ST8SIA6: variants seen among roughly 807,000 people sequenced by gnomAD.
The protein encoded by ST8SIA6 is alpha-2,8-sialyltransferase 8F.
In ST8SIA6, 39 loss-of-function variants were observed where a neutral mutation model predicts 33.6. The ratio of observed to expected loss-of-function variants is 1.16; its 90% CI spans 0.90 to 1.52. ST8SIA6 has a LOEUF of 1.52. Among genes scored for constraint, ST8SIA6 ranks in the 40% most tolerant of loss-of-function variants. ST8SIA6 has a pLI of 0.00. For missense variants in ST8SIA6, 441 were observed against 443.8 expected (o/e 0.99, Z 0.06); for synonymous variants, 172 against 167.2 (o/e 1.03, Z -0.22).
At chr10:17,402,762 C>T (rs540538933) in intron 2 of ST8SIA6, among the ~76,000 whole-genome samples, 11 of 150,730 alleles carry the variant, frequency 7.3e-5, no homozygotes, top group East Asian at 2.0e-4. Flanking sequence ...CATCACACAC[C>T]GGGGCTTGTT....
intron 4 of ST8SIA6, among the ~76,000 whole-genome samples, chr10:17,333,477 C>T (rs920218731): frequency 6.6e-6 from 1 of 151,334 alleles, no homozygotes; most frequent in African/African-American, 2.4e-5. Context: ...CATCATCCTG[C>T]CTGACTTCAC....
chr10:17,327,950 C>A (rs891154199), intron 5 of ST8SIA6, among the ~76,000 whole-genome samples: 1 of 151,992 alleles, frequency 6.6e-6, no homozygotes, highest in Non-Finnish European at 1.5e-5. Flanking sequence ...TAAAATAAAT[C>A]ATTATGTGAA....
At chr10:17,428,232 A>G (rs1326721055) in intron 2 of ST8SIA6, among the ~76,000 whole-genome samples, 1 of 152,194 alleles carries the variant, frequency 6.6e-6, no homozygotes, top group Non-Finnish European at 1.5e-5. Flanking sequence ...CCAAGCACCC[A>G]GCTGGGTGTG....
chr10:17,343,943 T>A (rs1346506650), intron 4 of ST8SIA6, among the ~76,000 whole-genome samples: 3 of 152,212 alleles, frequency 2.0e-5, no homozygotes, highest in Non-Finnish European at 4.4e-5. Context: ...TATTATTTAA[T>A]CCTTATAAAA....
chr10:17,444,302 G>A (rs1390593307), intron 2 of ST8SIA6, among the ~76,000 whole-genome samples: 3 of 152,134 alleles, frequency 2.0e-5, no homozygotes, highest in African/African-American at 4.8e-5. Context: ...GTGTGTAAAC[G>A]GTATTGTCTG....
At chr10:17,374,752 A>AAATATATATAT (rs1849849506) in intron 3 of ST8SIA6, among the ~76,000 whole-genome samples, 1 of 123,310 alleles carries the variant, frequency 8.1e-6, no homozygotes, top group Non-Finnish European at 1.7e-5. Context: ...ATAAATAATA[A>AAATATATATAT]ATATATATAT....
At chr10:17,358,485 AAAGAC>A (rs1206479393) in intron 4 of ST8SIA6, among the ~76,000 whole-genome samples, 1 of 152,206 alleles carries the variant, frequency 6.6e-6, no homozygotes, top group Non-Finnish European at 1.5e-5. Flanking sequence ...GAGTAAAGAT[AAAGAC>A]ATGTCTCTGG....
At chr10:17,390,460 G>T in intron 3 of ST8SIA6, 71 bp downstream of exon 3, 2 of 1,289,972 alleles carry the variant, frequency 1.6e-6, no homozygotes, top group South Asian at 1.3e-5. Context: ...TGACTTCAGA[G>T]ACACTGTCAG....
At chr10:17,346,654 TGA>T (rs1018424433) in intron 4 of ST8SIA6, among the ~76,000 whole-genome samples, 23 of 152,118 alleles carry the variant, frequency 1.5e-4, no homozygotes, top group Non-Finnish European at 3.1e-4. Context: ...CCCACGGAAC[TGA>T]GAGAGAATAT....
rs921582978 is a variant in ST8SIA6 at position 17,390,565 on chromosome 10, A to G, written c.256T>C (p.Tyr86His). 7 of 1,614,076 alleles carry G rather than the reference A, an allele frequency of 4.3e-6. No homozygotes were observed. The highest frequency in any genetic ancestry group is 5.9e-6 in the Non-Finnish European group (7 of 1,179,948). Residue 86 changes from tyrosine to histidine, a missense_variant, in exon 3 of 8, where the codon TAT becomes CAT. By Grantham distance (83) the Tyr-to-His change is moderately conservative (BLOSUM62 2). Transcript: ENST00000377602. The stretch of plus-strand genomic sequence containing the variant: ...TTGTTAGAGAAAGACTCAATGCCAT[A>G]TTGCAGATTTTTGCATTTCTCCGTC... ...QLTEKCKNLQ[Y>H]GIESFSNKTK...
intron 2 of ST8SIA6, among the ~76,000 whole-genome samples, chr10:17,423,544 A>G (rs1269942544): frequency 6.6e-6 from 1 of 152,132 alleles, no homozygotes; most frequent in Non-Finnish European, 1.5e-5. Flanking sequence ...CTTCTCACAC[A>G]CTAGCAGTTC....
At chr10:17,368,558 AG>A (rs1849635639) in intron 3 of ST8SIA6, among the ~76,000 whole-genome samples, 1 of 152,134 alleles carries the variant, frequency 6.6e-6, no homozygotes, top group Admixed American at 6.6e-5. Flanking sequence ...ACAAAAAAAA[AG>A]GAAAGAAGGA....
intron 2 of ST8SIA6, among the ~76,000 whole-genome samples, chr10:17,429,449 C>T (rs78706824): frequency 0.019 from 2,870 of 151,758 alleles, 83 homozygotes; most frequent in African/African-American, 0.065. Flanking sequence ...TTGCTTAGCT[C>T]GTCCCCGGAG....
At position 17,321,329 on chromosome 10, in the gene ST8SIA6, TC is replaced by T; in HGVS notation, c.745del (p.Glu249LysfsTer56). The T allele has an allele frequency of 6.3e-7, 1 of 1,598,220 alleles. No individual in the cohort carries two copies. Among genetic ancestry groups the T allele is most frequent in the South Asian group, 1.1e-5 (1 of 86,964 alleles). ...GTCCTCCAGAAATAGGGCTTTTTTT[TC>T]CTTTAAGTTCCCATATCTGCCAAAT... ...IITLKYGNLK[E>X]KKALFLEDIA... On this transcript the variant is annotated frameshift_variant, in exon 8 of 8. Coordinates refer to ENST00000377602, the MANE Select transcript of ST8SIA6 (RefSeq NM_001004470.3). LOFTEE classifies it low-confidence loss of function (END_TRUNC).
At chr10:17,334,125 C>G (rs1355032386) in intron 4 of ST8SIA6, among the ~76,000 whole-genome samples, 1 of 151,922 alleles carries the variant, frequency 6.6e-6, no homozygotes, top group African/African-American at 2.4e-5. Context: ...TAGGGACCTA[C>G]TCACCAATAG....
In ST8SIA6 at chr10:17,331,370, ATG is replaced by A. The variant is rs762901572; in HGVS notation, c.522+36_522+37del. On this transcript the variant is annotated intron_variant, in intron 5 of 7. Coordinates refer to ENST00000377602, the MANE Select transcript of ST8SIA6 (RefSeq NM_001004470.3). ...TAAAGTAAAAGAAAATTCACCTGGA[ATG>A]GTAACACAAATAACCCACCAGAAAC... is the stretch of plus-strand genomic sequence containing the variant. 4.0e-5 allele frequency: 63 copies of A among 1,569,154 alleles called. No individual in the cohort carries two copies. The South Asian group carries it at 6.2e-4, about 16-fold the overall frequency.
chr10:17,317,639 C>G lies in ST8SIA6; in HGVS notation c.*3239G>C, dbSNP rs1342145083. Among the ~76,000 whole-genome samples the G allele has an allele frequency of 6.6e-6, 1 of 152,186 alleles. No homozygotes were observed. The highest frequency in any genetic ancestry group is 1.5e-5 in the Non-Finnish European group (1 of 68,026). On this transcript the variant is annotated 3_prime_UTR_variant, in exon 8 of 8. Transcript: ENST00000377602. ...GACCTGTTTTCCACAAAATTTTCCA[C>G]TTTTCCCAAAGCTTCCTAATTCATG...
chr10:17,333,690 T>TATATATATAG (rs1848381395), intron 4 of ST8SIA6, among the ~76,000 whole-genome samples: 10 of 39,168 alleles, frequency 2.6e-4, no homozygotes, highest in Admixed American at 7.2e-4. Context: ...TATATATATA[T>TATATATATAG]ATATATATAT....
Position 17,320,744 on chromosome 10 carries a change from TG to T in ST8SIA6, c.*133del. On this transcript the variant is annotated 3_prime_UTR_variant, in exon 8 of 8. Transcript: ENST00000377602. Reference sequence around the variant, plus strand: ...TGACTTGCCATCATTGCAAAATGAGTGGGGAAGCTTTGGTCAAACCAAATTT... The same window carrying T: ...TGACTTGCCATCATTGCAAAATGAGTGGGAAGCTTTGGTCAAACCAAATTT... 1 of 755,474 alleles carries T rather than the reference TG, an allele frequency of 1.3e-6. No homozygotes were observed. The highest frequency in any genetic ancestry group is 2.1e-6 in the Non-Finnish European group (1 of 467,236). The allele number at this position is 755,474 out of a possible 1,614,324, so 46.8% of individuals were successfully genotyped here.
Sources: gnomAD v4.1 joint callset for allele counts (sites outside exome capture counted in the v4.1 genomes callset) on GRCh38, gnomAD v4.1.1 for gene constraint, MANE v1.5 for transcripts, NCBI Gene and HGNC (gene_info 2026-07-23, HGNC 2026-07-21) for gene names.